Variants in AMBP observed in about 807,000 individuals in gnomAD.
AMBP encodes the protein alpha-1-microglobulin/bikunin precursor.
Under a neutral mutation model 46.3 loss-of-function variants are expected in AMBP, and 37 were observed. The observed-to-expected ratio is 0.80, with a 90% confidence interval of 0.61 to 1.05. The LOEUF (loss-of-function observed/expected upper bound fraction) is 1.05, where lower values mean the gene tolerates loss of function less well. Ranked by LOEUF, AMBP falls within the 50% of genes least tolerant of loss-of-function variation. AMBP has a pLI of 0.00. For synonymous variants in AMBP, 174 were observed against 175.9 expected (o/e 0.99, Z 0.09); for missense variants, 475 against 461.2 (o/e 1.03, Z -0.27).
intron 6 of AMBP, among the ~76,000 whole-genome samples, chr9:114,068,448 AT>A (rs1186913340): frequency 6.6e-6 from 1 of 152,020 alleles, no homozygotes; most frequent in Non-Finnish European, 1.5e-5. Flanking sequence ...GAAAAAAAAA[AT>A]ACAAAAATTA....
intron 6 of AMBP, among the ~76,000 whole-genome samples, chr9:114,067,198 A>G (rs1394287172): frequency 6.6e-6 from 1 of 152,092 alleles, no homozygotes; most frequent in African/African-American, 2.4e-5. Context: ...CTCACCTCCC[A>G]AAGTGCTGGG....
At chr9:114,068,808 T>TAAA (rs34177397) in intron 6 of AMBP, among the ~76,000 whole-genome samples, 4 of 97,106 alleles carry the variant, frequency 4.1e-5, no homozygotes, top group African/African-American at 4.1e-5. Flanking sequence ...GTGGTGAGAT[T>TAAA]AAAAAAAAAA....
chr9:114,073,405 C>A (rs1439009254), intron 4 of AMBP, among the ~76,000 whole-genome samples: 1 of 152,034 alleles, frequency 6.6e-6, no homozygotes, highest in African/African-American at 2.4e-5. Context: ...TGCCACCACG[C>A]CCAGCTAATG....
At chr9:114,071,392 T>C (rs1046984483) in intron 5 of AMBP, among the ~76,000 whole-genome samples, 13 of 152,246 alleles carry the variant, frequency 8.5e-5, no homozygotes, top group Non-Finnish European at 1.8e-4. Flanking sequence ...CCCAGCTGCC[T>C]CAGCCCCCTC....
chr9:114,068,618 A>C (rs947114191), intron 6 of AMBP, among the ~76,000 whole-genome samples: 5 of 152,042 alleles, frequency 3.3e-5, no homozygotes, highest in African/African-American at 1.2e-4. Flanking sequence ...TTAAAAAAAA[A>C]AAAATTCAAG....
chr9:114,074,054 T>A lies in AMBP; in HGVS notation c.436A>T (p.Ile146Phe). The A allele has an allele frequency of 1.2e-6, 2 of 1,614,118 alleles. No homozygotes were observed. Among genetic ancestry groups the A allele is most frequent in the Admixed American group, 1.7e-5 (1 of 60,024 alleles). Residue 146 changes from isoleucine (I) to phenylalanine (F), a missense_variant, in exon 4 of 10, where the codon ATT becomes TTT. Physicochemically the swap from Ile to Phe is conservative, Grantham distance 21. Around this residue, in one of 3 missense-constraint regions of AMBP, gnomAD observed 293 missense variants for 276.9 expected, o/e 1.06. Coordinates refer to ENST00000265132, the MANE Select transcript of AMBP (RefSeq NM_001633.4). Reference protein sequence around the residue: ...KKFSRHHGPTITAKLYGRAPQ... With the variant: ...KKFSRHHGPTFTAKLYGRAPQ... ...CCTTTACCGTAGAGCTTGGCAGTAA[T>A]GGTGGGTCCATGATGGCGGCTGAAT...
Position 114,061,603 on chromosome 9 carries a change from C to T in AMBP, c.686-12G>A. ...CAGCTGGCAGGAATCTAGGGAGGGG[C>T]AGACCAGCAGCACTGACCAAGTGTT... On this transcript the variant is annotated splice_polypyrimidine_tract_variant and intron_variant, in intron 7 of 9. Coordinates refer to ENST00000265132, the MANE Select transcript of AMBP (RefSeq NM_001633.4). 1.3e-6 allele frequency: 2 copies of T among 1,585,920 alleles called. No homozygotes were observed. Among genetic ancestry groups the T allele is most frequent in the Non-Finnish European group, 8.6e-7 (1 of 1,163,298 alleles).
chr9:114,065,898 AT>A (rs1469003377), intron 6 of AMBP, among the ~76,000 whole-genome samples: 2 of 151,898 alleles, frequency 1.3e-5, no homozygotes, highest in Non-Finnish European at 1.5e-5. Context: ...GAATAAAAAA[AT>A]AAATAACCTG....
At chr9:114,063,246 G>T (rs1487828505) in intron 6 of AMBP, among the ~76,000 whole-genome samples, 3 of 152,166 alleles carry the variant, frequency 2.0e-5, no homozygotes. Flanking sequence ...CCTTGCTGTG[G>T]TGGTGGGGAC....
chr9:114,072,354 C>T (rs1332435599), intron 5 of AMBP, among the ~76,000 whole-genome samples: 2 of 152,236 alleles, frequency 1.3e-5, no homozygotes, highest in Admixed American at 6.5e-5. Flanking sequence ...GAGCTGCCCA[C>T]CCCATGGCAG....
intron 6 of AMBP, among the ~76,000 whole-genome samples, chr9:114,065,431 C>G (rs1846685056): frequency 6.6e-6 from 1 of 152,186 alleles, no homozygotes; most frequent in Admixed American, 6.5e-5. Context: ...ATGGGAGAGA[C>G]ACGGCACAGA....
intron 2 of AMBP, among the ~76,000 whole-genome samples, chr9:114,075,386 A>G (rs1846795334): frequency 6.6e-6 from 1 of 152,176 alleles, no homozygotes; most frequent in South Asian, 2.1e-4. Flanking sequence ...TCATCCATGT[A>G]TTGTTCTGTG....
intron 3 of AMBP, among the ~76,000 whole-genome samples, chr9:114,074,757 G>T (rs543902608): frequency 6.6e-6 from 1 of 152,240 alleles, no homozygotes. Context: ...CATGGGCACT[G>T]GGTGGGGGCA....
intron 6 of AMBP, among the ~76,000 whole-genome samples, chr9:114,068,004 ACTT>A (rs1398071559): frequency 6.6e-6 from 1 of 152,220 alleles, no homozygotes; most frequent in Admixed American, 6.5e-5. Flanking sequence ...GTATAGAACT[ACTT>A]CTAAAAGATG....
chr9:114,074,809 A>G (rs2134855804), intron 3 of AMBP, 151 bp downstream of exon 3: 1 of 662,004 alleles, frequency 1.5e-6, no homozygotes, highest in Admixed American at 2.4e-5. Context: ...GAGGAGAAGG[A>G]GGAGGAGGAA....
intron 4 of AMBP, among the ~76,000 whole-genome samples, 197 bp downstream of exon 4, chr9:114,073,839 C>T (rs940771942): frequency 6.6e-6 from 1 of 152,146 alleles, no homozygotes; most frequent in Non-Finnish European, 1.5e-5. Flanking sequence ...CTGTAATTCT[C>T]TGGGCCTGGA....
chr9:114,069,883 G>T, intron 5 of AMBP, 138 bp from the exon 6 acceptor site: 1 of 839,174 alleles, frequency 1.2e-6, no homozygotes, highest in Non-Finnish European at 1.9e-6. Flanking sequence ...GGTCCTGCCT[G>T]TGTGGCTTGC....
chr9:114,062,408 A>G (rs1355254329), intron 7 of AMBP, among the ~76,000 whole-genome samples: 1 of 152,216 alleles, frequency 6.6e-6, no homozygotes, highest in African/African-American at 2.4e-5. Flanking sequence ...CAAGGCTAGG[A>G]GGCCACACAG....
rs763496554 is a variant in AMBP at position 114,060,287 on chromosome 9, A to G, written c.1028-17T>C. 8.1e-6 allele frequency: 13 copies of G among 1,612,582 alleles called. No individual in the cohort carries two copies. The Admixed American group carries it at 2.0e-4, about 25-fold the overall frequency. On this transcript the variant is annotated splice_polypyrimidine_tract_variant and intron_variant, in intron 9 of 9. Transcript: ENST00000265132. ...CCTCATCACCTGTGGACACAGAGAG[A>G]CTCAGGGAGGGGTCCGTAGGCAGGG...
Sources: gnomAD v4.1 joint callset for allele counts (sites outside exome capture counted in the v4.1 genomes callset) on GRCh38, gnomAD v4.1.1 for gene constraint, gnomAD v4.1.1 regional missense constraint, MANE v1.5 for transcripts, NCBI Gene and HGNC (gene_info 2026-07-23, HGNC 2026-07-21) for gene names.